ERG: variants seen among roughly 807,000 people sequenced by gnomAD.
The protein encoded by ERG is transcriptional regulator ERG.
Under a neutral mutation model 55.3 loss-of-function variants are expected in ERG, and 9 were observed. That is an observed-to-expected ratio of 0.16 (90% CI 0.10 to 0.28). The LOEUF is 0.28. Among genes scored for constraint, ERG ranks in the 10% least tolerant of loss-of-function variants. ERG has a pLI of 1.00. For synonymous variants in ERG, 223 were observed against 237.3 expected (o/e 0.94, Z 0.55); for missense variants, 434 against 631.6 (o/e 0.69, Z 3.35).
intron 2 of ERG, among the ~76,000 whole-genome samples, chr21:38,559,509 AG>A (rs1239563005): frequency 6.7e-6 from 1 of 148,986 alleles, no homozygotes; most frequent in Non-Finnish European, 1.5e-5. Flanking sequence ...TTTAGATTTC[AG>A]GTCTAACTAA....
intron 1 of ERG, among the ~76,000 whole-genome samples, chr21:38,659,575 C>A (rs1247870309): frequency 1.3e-5 from 2 of 152,200 alleles, no homozygotes; most frequent in Non-Finnish European, 2.9e-5. Flanking sequence ...ATGTATGTCA[C>A]CCAGGGAAGA....
chr21:38,414,487 G>A (rs1423381967), intron 3 of ERG, among the ~76,000 whole-genome samples: 1 of 152,172 alleles, frequency 6.6e-6, no homozygotes, highest in Non-Finnish European at 1.5e-5. Context: ...TCTCACAGAT[G>A]CCAGACCCAA....
At chr21:38,405,377 A>G (rs1418968381) in intron 3 of ERG, among the ~76,000 whole-genome samples, 1 of 152,152 alleles carries the variant, frequency 6.6e-6, no homozygotes, top group Non-Finnish European at 1.5e-5. Context: ...TATTTAGTGA[A>G]TGTCCCCTGT....
chr21:38,579,108 C>G (rs2060012597), intron 1 of ERG, among the ~76,000 whole-genome samples: 1 of 152,136 alleles, frequency 6.6e-6, no homozygotes, highest in South Asian at 2.1e-4. Flanking sequence ...GAGCCCTTCC[C>G]AGGAGCAACT....
intron 1 of ERG, among the ~76,000 whole-genome samples, chr21:38,638,288 C>T (rs1270150208): frequency 6.6e-6 from 1 of 152,172 alleles, no homozygotes; most frequent in African/African-American, 2.4e-5. Flanking sequence ...GGGAGTTAAT[C>T]CAGGTAAAGC....
At chr21:38,606,403 G>C (rs1428110471) in intron 1 of ERG, among the ~76,000 whole-genome samples, 1 of 152,146 alleles carries the variant, frequency 6.6e-6, no homozygotes, top group Non-Finnish European at 1.5e-5. Context: ...CTACTTTATA[G>C]AGACACTTTC....
At chr21:38,417,134 A>G (rs1172243558) in intron 3 of ERG, among the ~76,000 whole-genome samples, 2 of 152,216 alleles carry the variant, frequency 1.3e-5, no homozygotes, top group East Asian at 3.8e-4. Flanking sequence ...TCATCTCCTC[A>G]GTGATTAAGA....
rs188082832 is a variant in ERG at position 38,394,747 on chromosome 21, G to T, written c.746-2303C>A. Among the ~76,000 whole-genome samples, 4 of 152,294 alleles carry T rather than the reference G, an allele frequency of 2.6e-5. No individual in the cohort carries two copies. In the East Asian group the frequency reaches 7.7e-4, roughly 29 times the overall value. On this transcript the variant is annotated intron_variant, in intron 6 of 9. Transcript: ENST00000288319. ...GACCATTGCTCTTTTCAGGAACTCT[G>T]TTCCTGCAGATGATTTCAGAAATGC...
chr21:38,412,150 C>T (rs1569076655), intron 3 of ERG, among the ~76,000 whole-genome samples: 1 of 151,984 alleles, frequency 6.6e-6, no homozygotes, highest in Non-Finnish European at 1.5e-5. Context: ...CACTCTCTGT[C>T]TTTAATGGCA....
chr21:38,402,988 G>A (rs1291340867), intron 4 of ERG, among the ~76,000 whole-genome samples: 1 of 152,152 alleles, frequency 6.6e-6, no homozygotes. Context: ...CAAACATTCT[G>A]GATTCATGCC....
chr21:38,445,477 C>T lies in ERG; in HGVS notation c.163G>A (p.Asp55Asn), dbSNP rs1394669101. 1 of 1,614,150 alleles carries T rather than the reference C, an allele frequency of 6.2e-7. No individual in the cohort carries two copies. The highest frequency in any genetic ancestry group is 8.5e-7 in the Non-Finnish European group (1 of 1,180,032). The change falls in exon 2 of 10, where the codon GAT becomes AAT. Residue 55 changes from aspartate to asparagine, a missense_variant. By Grantham distance (23) the Asp-to-Asn change is conservative. Around this residue, in one of 5 missense-constraint regions of ERG, gnomAD observed 212 missense variants for 262.9 expected, o/e 0.81. Coordinates refer to ENST00000288319, the MANE Select transcript of ERG (RefSeq NM_182918.4). ...CTGGCTGGGGGTTGAGACAGCCAATCCTGCTGAGGGACGCGTGGGCTCATC... is the reference window on the plus strand; with the variant it reads ...CTGGCTGGGGGTTGAGACAGCCAATTCTGCTGAGGGACGCGTGGGCTCATC... ...SKMSPRVPQQ[D>N]WLSQPPARVT...
intron 2 of ERG, among the ~76,000 whole-genome samples, chr21:38,512,654 TA>T (rs2059521422): frequency 6.6e-6 from 1 of 152,206 alleles, no homozygotes; most frequent in African/African-American, 2.4e-5. Flanking sequence ...GAAAACATCT[TA>T]AAATACAAAT....
intron 1 of ERG, among the ~76,000 whole-genome samples, chr21:38,580,809 G>A (rs188636731): frequency 2.9e-3 from 438 of 152,320 alleles, no homozygotes; most frequent in Non-Finnish European, 4.9e-3. Context: ...TAAGCATTTT[G>A]TAATTATGGA....
At chr21:38,590,725 G>A (rs114800301) in intron 1 of ERG, among the ~76,000 whole-genome samples, 305 of 152,070 alleles carry the variant, frequency 2.0e-3, no homozygotes, top group African/African-American at 6.8e-3. Flanking sequence ...CCATCCATAC[G>A]CACTGAGTTC....
intron 2 of ERG, among the ~76,000 whole-genome samples, chr21:38,537,062 C>A (rs2059715828): frequency 1.3e-5 from 2 of 152,092 alleles, no homozygotes; most frequent in African/African-American, 4.8e-5. Flanking sequence ...AAAAAGGAGT[C>A]TTTTCAACAA....
At chr21:38,644,857 T>C (rs1437380681) in intron 1 of ERG, among the ~76,000 whole-genome samples, 1 of 152,148 alleles carries the variant, frequency 6.6e-6, no homozygotes, top group East Asian at 1.9e-4. Context: ...GTGGTAAGGA[T>C]CATTAATGTT....
upstream of ERG, among the ~76,000 whole-genome samples, chr21:38,502,857 G>A (rs2059431311): frequency 3.4e-5 from 5 of 145,876 alleles, no homozygotes; most frequent in Admixed American, 3.5e-4. Flanking sequence ...CTCCTGAGTA[G>A]CTGGGACTAC....
At chr21:38,651,237 G>A (rs1466558412) in intron 1 of ERG, among the ~76,000 whole-genome samples, 1 of 152,162 alleles carries the variant, frequency 6.6e-6, no homozygotes, top group Non-Finnish European at 1.5e-5. Flanking sequence ...ATGTCACGCT[G>A]GCATTCAATT....
chr21:38,468,100 G>A (rs1365730038), intron 1 of ERG, among the ~76,000 whole-genome samples: 1 of 152,220 alleles, frequency 6.6e-6, no homozygotes, highest in Non-Finnish European at 1.5e-5. Context: ...AAGGTGACGT[G>A]TTAGTGCTTC....
Sources: allele counts gnomAD v4.1 joint callset (sites outside exome capture counted in the v4.1 genomes callset), GRCh38; gene constraint gnomAD v4.1.1; regional missense constraint gnomAD v4.1.1; transcripts MANE v1.5; gene names NCBI Gene and HGNC (gene_info 2026-07-23, HGNC 2026-07-21).